The following CD2AP variants were observed in gnomAD, a reference collection of about 807,000 sequenced individuals.
CD2AP encodes the protein CD2 associated protein, also known as CD2-associated protein.
In CD2AP, 46 loss-of-function variants were observed where a neutral mutation model predicts 85.1. That is an observed-to-expected ratio of 0.54 (90% CI 0.43 to 0.69). CD2AP has a LOEUF of 0.69. Among genes scored for constraint, CD2AP ranks in the 30% least tolerant of loss-of-function variants. The pLI is 0.00. For missense variants in CD2AP, 769 were observed against 729.5 expected (o/e 1.05, Z -0.62); for synonymous variants, 255 against 252.9 (o/e 1.01, Z -0.08).
intron 13 of CD2AP, among the ~76,000 whole-genome samples, chr6:47,603,858 C>G (rs989929421): frequency 6.6e-6 from 1 of 151,982 alleles, no homozygotes; most frequent in Non-Finnish European, 1.5e-5. Flanking sequence ...ATAAAGCAAT[C>G]AAAATAGTAT....
rs1769049212 is a variant in CD2AP at position 47,599,379 on chromosome 6, G to C, written c.1353G>C (p.Gln451His). Residue 451 changes from glutamine to histidine, a missense_variant, in exon 13 of 18, where the codon CAG becomes CAC. By Grantham distance (24) the Gln-to-His change is conservative. Coordinates refer to ENST00000359314, the MANE Select transcript of CD2AP (RefSeq NM_012120.3). ...CAAAACTAAAGCTAGATTCTGAACA[G>C]CTGCCCCTTAGACCAAAATCAGTAG... is the stretch of plus-strand genomic sequence containing the variant. The part of the protein sequence containing the change: ...PVSKLKLDSE[Q>H]LPLRPKSVDF... 6.2e-7 allele frequency: 1 copy of C among 1,611,998 alleles called. No homozygotes were observed. The highest frequency in any genetic ancestry group is 8.5e-7 in the Non-Finnish European group (1 of 1,178,720).
chr6:47,503,237 G>A lies in CD2AP; in HGVS notation c.5-43G>A, dbSNP rs1393817579. Reference sequence around the variant, plus strand: ...TTATTAATATAGTTTACAGTATTTTGTGAATTAGATTTTAGACATTTCGTT... The same window carrying A: ...TTATTAATATAGTTTACAGTATTTTATGAATTAGATTTTAGACATTTCGTT... On this transcript the variant is annotated intron_variant, in intron 1 of 17. Transcript: ENST00000359314. 1.9e-6 allele frequency: 3 copies of A among 1,553,408 alleles called. No homozygotes were observed. The East Asian group carries it at 6.7e-5, about 35-fold the overall frequency.
chr6:47,561,953 T>C (rs1365476987), intron 5 of CD2AP, among the ~76,000 whole-genome samples: 1 of 152,128 alleles, frequency 6.6e-6, no homozygotes, highest in Non-Finnish European at 1.5e-5. Context: ...GTATTTTTAG[T>C]AGTTACAGGG....
intron 13 of CD2AP, among the ~76,000 whole-genome samples, chr6:47,602,243 A>T (rs1440628752): frequency 6.6e-6 from 1 of 151,994 alleles, no homozygotes; most frequent in Non-Finnish European, 1.5e-5. Flanking sequence ...TAATGACATG[A>T]CATAACTTTT....
chr6:47,608,122 A>G (rs770258436), intron 15 of CD2AP, 94 bp downstream of exon 15: 64 of 871,620 alleles, frequency 7.3e-5, no homozygotes, highest in Non-Finnish European at 1.1e-4. Context: ...AGGACGAATT[A>G]TTTTTTCTGC....
At chr6:47,606,352 AGC>A (rs1358966750) in intron 14 of CD2AP, 75 bp downstream of exon 14, 8 of 868,374 alleles carry the variant, frequency 9.2e-6, no homozygotes, top group Non-Finnish European at 1.4e-5. Flanking sequence ...GAGGACTTAT[AGC>A]TCTACCTAAG....
rs563713219 is a variant in CD2AP, at chr6:47,558,991, T to C, written c.541+4225T>C. On this transcript the variant is annotated intron_variant, in intron 5 of 17. Coordinates refer to ENST00000359314, the MANE Select transcript of CD2AP (RefSeq NM_012120.3). ...GGTTGGTAGGCTATTAATTACTGCC[T>C]CAATTTCAAAACTTGTTATTGGTCT... 2.0e-5 allele frequency among the ~76,000 whole-genome samples: 3 copies of C among 152,312 alleles called. No homozygotes were observed. In the East Asian group the frequency reaches 5.8e-4, roughly 29 times the overall value.
At position 47,478,190 on chromosome 6, in the gene CD2AP, C is replaced by CAGGAGG. The variant is rs560930115; in HGVS notation, c.-55_-54insAGGAGG. On this transcript the variant is annotated 5_prime_UTR_variant, in exon 1 of 18. Transcript: ENST00000359314. ...GCGGGAGCGGCCGCGCGAGCCACCACTGGAGGAGGAGGAGGAGGAGCGGAC... is the reference window on the plus strand; with the variant it reads ...GCGGGAGCGGCCGCGCGAGCCACCACAGGAGGTGGAGGAGGAGGAGGAGGAGCGGAC... 62 of 1,430,414 alleles carry CAGGAGG rather than the reference C, an allele frequency of 4.3e-5. No homozygotes were observed. Among genetic ancestry groups the CAGGAGG allele is most frequent in the African/African-American group, 7.1e-5 (5 of 70,868 alleles). The allele number at this position is 1,430,414 out of a possible 1,614,324, so 88.6% of individuals were successfully genotyped here.
At chr6:47,528,356 G>T (rs142790653) in intron 2 of CD2AP, among the ~76,000 whole-genome samples, 1,610 of 152,222 alleles carry the variant, frequency 0.011, 13 homozygotes, top group Non-Finnish European at 0.018. Flanking sequence ...TGTATTTTTA[G>T]TAGAGAGGTG....
intron 11 of CD2AP, among the ~76,000 whole-genome samples, chr6:47,589,543 CAT>C (rs1037155048): frequency 3.2e-4 from 30 of 95,112 alleles, no homozygotes; most frequent in African/African-American, 7.7e-4. Flanking sequence ...CATATGTACA[CAT>C]ATATATACAC....
At chr6:47,572,498 G>T (rs1768185746) in intron 5 of CD2AP, among the ~76,000 whole-genome samples, 1 of 152,184 alleles carries the variant, frequency 6.6e-6, no homozygotes, top group South Asian at 2.1e-4. Context: ...AATGGTTAGG[G>T]TAGATCACTA....
intron 1 of CD2AP, among the ~76,000 whole-genome samples, chr6:47,489,393 T>G (rs1307730951): frequency 6.6e-6 from 1 of 151,838 alleles, no homozygotes; most frequent in Non-Finnish European, 1.5e-5. Context: ...CCAGGCTGGT[T>G]TCGAACTCCT....
At chr6:47,515,363 A>G (rs1388278640) in intron 2 of CD2AP, among the ~76,000 whole-genome samples, 1 of 152,216 alleles carries the variant, frequency 6.6e-6, no homozygotes, top group Non-Finnish European at 1.5e-5. Context: ...AGTATAATAG[A>G]GATCAGAGTG....
chr6:47,503,795 A>G (rs556889714), intron 2 of CD2AP, among the ~76,000 whole-genome samples: 1 of 152,344 alleles, frequency 6.6e-6, no homozygotes, highest in East Asian at 1.9e-4. Flanking sequence ...ATACTTGTGA[A>G]ATAGTTATGA....
chr6:47,624,031 T>C (rs910527499), intron 17 of CD2AP, among the ~76,000 whole-genome samples, 155 bp from the exon 18 acceptor site: 1 of 152,192 alleles, frequency 6.6e-6, no homozygotes, highest in Non-Finnish European at 1.5e-5. Flanking sequence ...GTTGAAACTT[T>C]ATTCAACCAA....
At chr6:47,517,161 T>C (rs1766470982) in intron 2 of CD2AP, among the ~76,000 whole-genome samples, 1 of 152,176 alleles carries the variant, frequency 6.6e-6, no homozygotes, top group South Asian at 2.1e-4. Context: ...CTGCTCTCAC[T>C]ATGTGATGCG....
chr6:47,496,116 T>A (rs111925737), intron 1 of CD2AP, among the ~76,000 whole-genome samples: 291 of 152,340 alleles, frequency 1.9e-3, no homozygotes, highest in African/African-American at 6.8e-3. Context: ...TTTCCTTTCC[T>A]TTGCTGTTCT....
chr6:47,618,310 A>G (rs758962947), intron 17 of CD2AP, among the ~76,000 whole-genome samples: 6 of 152,006 alleles, frequency 3.9e-5, no homozygotes, highest in Non-Finnish European at 7.4e-5. Flanking sequence ...ACAGAACGAG[A>G]CTGTCTCAAA....
Position 47,625,173 on chromosome 6 carries a change from C to CA in CD2AP, c.*946_*947insA, listed in dbSNP as rs1769878684. ...TCTTGTCACTTAGTTCTTCATGTTT[C>CA]TCCTTCTGACTTTTAATAATGGTAA... is the stretch of plus-strand genomic sequence containing the variant. On this transcript the variant is annotated 3_prime_UTR_variant, in exon 18 of 18. Transcript: ENST00000359314. 2 of 151,800 alleles carry CA rather than the reference C, an allele frequency of 1.3e-5. No homozygotes were observed. The highest frequency in any genetic ancestry group is 4.8e-5 in the African/African-American group (2 of 41,404). The allele number at this position is 151,800 out of a possible 1,614,324, so 9.4% of individuals were successfully genotyped here.
Sources: gnomAD v4.1 joint callset for allele counts (sites outside exome capture counted in the v4.1 genomes callset) on GRCh38, gnomAD v4.1.1 for gene constraint, MANE v1.5 for transcripts, NCBI Gene and HGNC (gene_info 2026-07-23, HGNC 2026-07-21) for gene names.